Variants in DLGAP2 observed in about 807,000 individuals in gnomAD.
DLGAP2 encodes the protein disks large-associated protein 2.
A neutral mutation model predicts 100.3 loss-of-function variants in DLGAP2; 26 were observed. The ratio of observed to expected loss-of-function variants is 0.26; its 90% CI spans 0.19 to 0.36. The LOEUF (loss-of-function observed/expected upper bound fraction) is 0.36, where lower values mean the gene tolerates loss of function less well. Among genes scored for constraint, DLGAP2 ranks in the 10% least tolerant of loss-of-function variants. The pLI is 1.00. For synonymous variants in DLGAP2, 886 were observed against 630.1 expected (o/e 1.41, Z -6.08); for missense variants, 1,858 against 1,453.2 (o/e 1.28, Z -4.53).
At chr8:1,006,082 G>A (rs1027901146) in intron 2 of DLGAP2, among the ~76,000 whole-genome samples, 6 of 152,022 alleles carry the variant, frequency 3.9e-5, no homozygotes, top group South Asian at 2.1e-4. Context: ...ACAGGTACTC[G>A]GGAGGCTGAG....
chr8:1,501,882 C>T (rs1011105188), intron 4 of DLGAP2, among the ~76,000 whole-genome samples: 3 of 152,190 alleles, frequency 2.0e-5, no homozygotes, highest in Admixed American at 6.5e-5. Context: ...TTCCAAGGGC[C>T]CTGCGAGAGG....
chr8:769,809 T>C (rs1050044734), intron 1 of DLGAP2, among the ~76,000 whole-genome samples: 2 of 152,088 alleles, frequency 1.3e-5, no homozygotes, highest in Admixed American at 6.6e-5. Context: ...GAAGCCACAT[T>C]GTATGCATCC....
At chr8:881,744 C>T (rs1797802214) in intron 1 of DLGAP2, among the ~76,000 whole-genome samples, 2 of 149,190 alleles carry the variant, frequency 1.3e-5, no homozygotes, top group Non-Finnish European at 3.0e-5. Context: ...GTCTCGAACT[C>T]CTGACCTTGT....
chr8:1,427,400 T>C (rs1009266730), intron 3 of DLGAP2, among the ~76,000 whole-genome samples: 8 of 152,206 alleles, frequency 5.3e-5, no homozygotes, highest in African/African-American at 1.9e-4. Context: ...ACAAACATTT[T>C]AAAGAATAAA....
chr8:1,132,381 G>T (rs1796311669), intron 2 of DLGAP2, among the ~76,000 whole-genome samples: 1 of 152,160 alleles, frequency 6.6e-6, no homozygotes, highest in Non-Finnish European at 1.5e-5. Context: ...CAGCTGGTAG[G>T]TACAAATTTC....
intron 3 of DLGAP2, among the ~76,000 whole-genome samples, chr8:1,410,910 T>A (rs1384178502): frequency 6.6e-6 from 1 of 152,022 alleles, no homozygotes; most frequent in East Asian, 1.9e-4. Context: ...CTGGTGAACA[T>A]GTAAATATCT....
At chr8:1,694,457 C>T (rs538771672) in intron 13 of DLGAP2, among the ~76,000 whole-genome samples, 3 of 152,290 alleles carry the variant, frequency 2.0e-5, no homozygotes, top group East Asian at 1.9e-4. Flanking sequence ...CGGGACGGAC[C>T]GCGGGGGGCA....
chr8:1,496,704 A>C (rs1049024791), intron 3 of DLGAP2, among the ~76,000 whole-genome samples: 2 of 152,126 alleles, frequency 1.3e-5, no homozygotes, highest in Non-Finnish European at 2.9e-5. Context: ...TCTGAAGCTC[A>C]AGGGTGATCA....
intron 2 of DLGAP2, among the ~76,000 whole-genome samples, chr8:1,235,413 G>T (rs924190195): frequency 6.7e-6 from 1 of 149,774 alleles, no homozygotes; most frequent in Non-Finnish European, 1.5e-5. Flanking sequence ...CTCTCACGTG[G>T]CATCGTGTCT....
chr8:1,018,091 A>AC (rs1222979331), intron 2 of DLGAP2, among the ~76,000 whole-genome samples: 1 of 145,050 alleles, frequency 6.9e-6, no homozygotes, highest in Non-Finnish European at 1.5e-5. Context: ...AGCTGCATTG[A>AC]CCAAGACTCT....
chr8:1,469,037 C>T (rs1798708307), intron 3 of DLGAP2, among the ~76,000 whole-genome samples: 1 of 152,178 alleles, frequency 6.6e-6, no homozygotes, highest in African/African-American at 2.4e-5. Flanking sequence ...CGGGATGAGG[C>T]TGTCAACACA....
chr8:1,228,170 A>G lies in DLGAP2; in HGVS notation c.74-30681A>G, dbSNP rs192745654. 5.1e-3 allele frequency among the ~76,000 whole-genome samples: 735 copies of G among 143,020 alleles called. 6 individuals carry two copies. Among genetic ancestry groups the G allele is most frequent in the African/African-American group, 0.017 (708 of 40,760 alleles). The allele number at this position is 143,020 out of a possible 152,430, so 93.8% of individuals were successfully genotyped here. A position where few individuals can be genotyped will look rare whatever the true frequency, so the allele number is the denominator to read the frequency against. ...TGCAGCACACCAACATGGCACATGTATACATATGTAACAAACCTGCACGTT... is the reference window on the plus strand; with the variant it reads ...TGCAGCACACCAACATGGCACATGTGTACATATGTAACAAACCTGCACGTT... On this transcript the variant is annotated intron_variant, in intron 2 of 14. Coordinates refer to ENST00000637795, the MANE Select transcript of DLGAP2 (RefSeq NM_001346810.2).
chr8:1,616,982 G>T (rs966755163), intron 6 of DLGAP2, among the ~76,000 whole-genome samples: 1 of 152,182 alleles, frequency 6.6e-6, no homozygotes, highest in Non-Finnish European at 1.5e-5. Flanking sequence ...AGAACATGCA[G>T]TATTTGGTTT....
In DLGAP2 at chr8:1,380,822, T is replaced by A. The variant is rs896582168; in HGVS notation, c.107-120544T>A. On this transcript the variant is annotated intron_variant, in intron 3 of 14. Coordinates refer to ENST00000637795, the MANE Select transcript of DLGAP2 (RefSeq NM_001346810.2). ...CTCACAATACCTTATCTTATTAAATTCCATGGAGACTAAAAGTTTAAACTT... is the reference window on the plus strand; with the variant it reads ...CTCACAATACCTTATCTTATTAAATACCATGGAGACTAAAAGTTTAAACTT... 2.0e-5 allele frequency among the ~76,000 whole-genome samples: 3 copies of A among 151,190 alleles called. No homozygotes were observed. The East Asian group carries it at 5.9e-4, about 30-fold the overall frequency.
At chr8:843,322 T>C (rs2132719395) in intron 1 of DLGAP2, among the ~76,000 whole-genome samples, 1 of 152,354 alleles carries the variant, frequency 6.6e-6, no homozygotes, top group Admixed American at 6.5e-5. Context: ...TTTCCCTCAG[T>C]CCTATTATCA....
At chr8:1,634,380 G>A (rs1797720881) in intron 8 of DLGAP2, among the ~76,000 whole-genome samples, 1 of 152,186 alleles carries the variant, frequency 6.6e-6, no homozygotes, top group Admixed American at 6.5e-5. Context: ...TTCTGTACGA[G>A]GGAGGGTGGT....
chr8:1,455,229 C>T (rs556642748), intron 3 of DLGAP2, among the ~76,000 whole-genome samples: 1 of 152,380 alleles, frequency 6.6e-6, no homozygotes, highest in East Asian at 1.9e-4. Context: ...TCCACGTGGA[C>T]GCCCAGTCAG....
At chr8:1,606,158 AT>A (rs1339039194) in intron 6 of DLGAP2, among the ~76,000 whole-genome samples, 1 of 152,034 alleles carries the variant, frequency 6.6e-6, no homozygotes, top group African/African-American at 2.4e-5. Flanking sequence ...TTTTTTGAAA[AT>A]TTGCTTCAAG....
intron 2 of DLGAP2, among the ~76,000 whole-genome samples, chr8:1,205,107 G>C (rs13275447): frequency 0.21 from 31,377 of 152,166 alleles, 3,409 homozygotes; most frequent in East Asian, 0.39. Context: ...GTCAAGGAGG[G>C]GCCAGGTGGG....
Sources: allele counts gnomAD v4.1 joint callset (sites outside exome capture counted in the v4.1 genomes callset), GRCh38; gene constraint gnomAD v4.1.1; transcripts MANE v1.5; gene names NCBI Gene and HGNC (gene_info 2026-07-23, HGNC 2026-07-21).